Variants in NXPE2 observed in about 807,000 individuals in gnomAD.
The protein encoded by NXPE2 is neurexophilin and PC-esterase domain family member 2, also known as NXPE family member 2.
Under a neutral mutation model 34.4 loss-of-function variants are expected in NXPE2, and 34 were observed. That is an observed-to-expected ratio of 0.99 (90% CI 0.75 to 1.31). The LOEUF (loss-of-function observed/expected upper bound fraction) is 1.31, where lower values mean the gene tolerates loss of function less well. Ranked by LOEUF, NXPE2 falls within the 40% of genes most tolerant of loss-of-function variation. The pLI, the probability that NXPE2 is intolerant of heterozygous loss-of-function variation, is 0.00. For missense variants in NXPE2, 649 were observed against 672.5 expected, an observed-to-expected ratio of 0.97 and a Z score of 0.39; for synonymous variants, 235 against 231.3, an observed-to-expected ratio of 1.02 and a Z score of -0.15.
the NXPE2 span, among the ~76,000 whole-genome samples, chr11:114,720,290 C>T: frequency 6.6e-5 from 10 of 152,260 alleles, no homozygotes; most frequent in South Asian, 2.1e-4. Flanking sequence ...AACAGAGGGG[C>T]GACTCAGCTA....
chr11:114,644,632 G>A, the NXPE2 span, among the ~76,000 whole-genome samples: 1 of 152,092 alleles, frequency 6.6e-6, no homozygotes, highest in East Asian at 1.9e-4. Flanking sequence ...AAGAAGGCAT[G>A]AATAAATGGA....
the NXPE2 span, chr11:114,551,375 T>C: frequency 1.4e-6 from 2 of 1,395,156 alleles, no homozygotes; most frequent in Non-Finnish European, 9.3e-7. Flanking sequence ...CCCAATCCCT[T>C]TGTCTACCTA....
the NXPE2 span, among the ~76,000 whole-genome samples, chr11:114,632,865 T>C: frequency 1.7e-5 from 1 of 59,054 alleles, no homozygotes; most frequent in Non-Finnish European, 3.0e-5. Context: ...TTATATAATA[T>C]ATAATTATAT....
At chr11:114,701,848 C>G (rs1951370982) in intron 3 of NXPE2, among the ~76,000 whole-genome samples, 1 of 152,190 alleles carries the variant, frequency 6.6e-6, no homozygotes, top group Admixed American at 6.5e-5. Flanking sequence ...ATAATATTCA[C>G]AGGATGCAAA....
the NXPE2 span, among the ~76,000 whole-genome samples, chr11:114,570,324 G>A: frequency 6.6e-6 from 1 of 152,130 alleles, no homozygotes; most frequent in East Asian, 1.9e-4. Context: ...ACAGCAACAA[G>A]ACTAAAGACA....
chr11:114,808,600 T>C, the NXPE2 span, among the ~76,000 whole-genome samples: 1 of 106,508 alleles, frequency 9.4e-6, no homozygotes. Context: ...CTAGAAGAAA[T>C]GGATAAATTC....
At chr11:114,517,708 C>T in the NXPE2 span, among the ~76,000 whole-genome samples, 1 of 152,182 alleles carries the variant, frequency 6.6e-6, no homozygotes, top group Non-Finnish European at 1.5e-5. Flanking sequence ...GCTTCCTCCA[C>T]TCTGGTGAGT....
At chr11:114,695,820 G>A (rs1394874040) in intron 2 of NXPE2, among the ~76,000 whole-genome samples, 1 of 81,174 alleles carries the variant, frequency 1.2e-5, no homozygotes, top group Non-Finnish European at 2.6e-5. Flanking sequence ...GTGAAAGAAC[G>A]TCTCTACTAA....
chr11:114,709,631 G>A (rs1408812768), downstream of NXPE2, among the ~76,000 whole-genome samples: 2 of 152,226 alleles, frequency 1.3e-5, no homozygotes, highest in African/African-American at 2.4e-5. Context: ...CAGATGCTGG[G>A]TGTGGTGGCT....
chr11:114,624,535 C>A, the NXPE2 span, among the ~76,000 whole-genome samples: 5 of 151,012 alleles, frequency 3.3e-5, no homozygotes, highest in Non-Finnish European at 4.4e-5. Flanking sequence ...TCGTGGGTAA[C>A]CACTGTTACC....
the NXPE2 span, among the ~76,000 whole-genome samples, chr11:114,592,916 A>G: frequency 6.6e-6 from 1 of 152,154 alleles, no homozygotes; most frequent in African/African-American, 2.4e-5. Flanking sequence ...TCAAAAACAT[A>G]CAATGGGGGA....
chr11:114,530,872 A>G, the NXPE2 span: 6 of 1,613,234 alleles, frequency 3.7e-6, no homozygotes, highest in Non-Finnish European at 5.1e-6. Context: ...TTGTTCCAGT[A>G]ATGGACAGAG....
chr11:114,522,246 C>T, the NXPE2 span: 26 of 1,614,054 alleles, frequency 1.6e-5, no homozygotes, highest in East Asian at 2.2e-5. Flanking sequence ...TTTTGAACAC[C>T]GATGGCCCTG....
the NXPE2 span, among the ~76,000 whole-genome samples, chr11:114,631,224 A>G: frequency 7.9e-5 from 12 of 152,038 alleles, no homozygotes; most frequent in South Asian, 2.1e-3. Flanking sequence ...ACATGCACAC[A>G]TATGTTTATT....
the NXPE2 span, among the ~76,000 whole-genome samples, chr11:114,586,496 T>C: frequency 1.3e-5 from 2 of 152,326 alleles, no homozygotes; most frequent in African/African-American, 4.8e-5. Flanking sequence ...TTAGCGTGGC[T>C]ACCAGCCTTA....
chr11:114,511,922 T>C, the NXPE2 span, among the ~76,000 whole-genome samples: 3 of 152,218 alleles, frequency 2.0e-5, no homozygotes, highest in Non-Finnish European at 4.4e-5. Context: ...GGTGCCATGT[T>C]TATACAGCCT....
the NXPE2 span, among the ~76,000 whole-genome samples, chr11:114,602,050 T>TA: frequency 1.1e-5 from 1 of 93,826 alleles, no homozygotes; most frequent in Non-Finnish European, 1.8e-5. Flanking sequence ...ATATATATTA[T>TA]ATTATATATA....
chr11:114,583,636 G>C, the NXPE2 span: 1 of 590,732 alleles, frequency 1.7e-6, no homozygotes, highest in Non-Finnish European at 3.4e-6. Flanking sequence ...ATGAGCAGCA[G>C]ATGGACACTG....
chr11:114,729,821 T>C, the NXPE2 span, among the ~76,000 whole-genome samples: 1 of 152,082 alleles, frequency 6.6e-6, no homozygotes, highest in Non-Finnish European at 1.5e-5. Context: ...TGTTAGATTA[T>C]AGTGCAAAAT....
Sources: gnomAD v4.1 joint callset for allele counts (sites outside exome capture counted in the v4.1 genomes callset) on GRCh38, gnomAD v4.1.1 for gene constraint, MANE v1.5 for transcripts, NCBI Gene and HGNC (gene_info 2026-07-23, HGNC 2026-07-21) for gene names.